The following SESN2 variants were observed in gnomAD, a reference collection of about 807,000 sequenced individuals.
SESN2 encodes sestrin-2.
A neutral mutation model predicts 56.0 loss-of-function variants in SESN2; 42 were observed. The observed-to-expected ratio is 0.75, with a 90% confidence interval of 0.59 to 0.97. The LOEUF (loss-of-function observed/expected upper bound fraction) is 0.97, where lower values mean the gene tolerates loss of function less well. Ranked by LOEUF, SESN2 falls within the 50% of genes least tolerant of loss-of-function variation. SESN2 has a pLI of 0.00. For synonymous variants in SESN2, 264 were observed against 267.1 expected, an observed-to-expected ratio of 0.99 and a Z score of 0.11; for missense variants, 507 against 649.4, an observed-to-expected ratio of 0.78 and a Z score of 2.38.
intron 1 of SESN2, among the ~76,000 whole-genome samples, chr1:28,267,152 T>C (rs1228060366): frequency 2.3e-4 from 35 of 152,268 alleles, no homozygotes. Flanking sequence ...ACAGAGCTGT[T>C]GGGCTTTTTC....
At chr1:28,265,456 C>T (rs1647523954) in intron 1 of SESN2, among the ~76,000 whole-genome samples, 1 of 152,042 alleles carries the variant, frequency 6.6e-6, no homozygotes, top group African/African-American at 2.4e-5. Context: ...TGCAATGGTG[C>T]GATCTCAGCT....
chr1:28,264,229 G>A (rs936680096), intron 1 of SESN2, among the ~76,000 whole-genome samples: 11 of 152,046 alleles, frequency 7.2e-5, no homozygotes, highest in African/African-American at 2.7e-4. Flanking sequence ...TGAGGCAGGA[G>A]AATTGCCTGA....
At chr1:28,268,088 G>T (rs1465624580) in intron 1 of SESN2, among the ~76,000 whole-genome samples, 1 of 152,168 alleles carries the variant, frequency 6.6e-6, no homozygotes, top group African/African-American at 2.4e-5. Flanking sequence ...GGGAGGTAGG[G>T]TTTTAAGCCA....
At chr1:28,269,875 A>G (rs1414527477) in intron 2 of SESN2, among the ~76,000 whole-genome samples, 2 of 152,240 alleles carry the variant, frequency 1.3e-5, no homozygotes, top group Non-Finnish European at 2.9e-5. Flanking sequence ...CTATTAAATG[A>G]TTAATCTATG....
Position 28,272,655 on chromosome 1 carries a change from C to T in SESN2, c.612C>T (p.Cys204=). 1.2e-6 allele frequency: 2 copies of T among 1,614,156 alleles called. No individual in the cohort carries two copies. Among genetic ancestry groups the T allele is most frequent in the Non-Finnish European group, 1.7e-6 (2 of 1,180,012 alleles). The change falls in exon 5 of 10, where the codon TGC becomes TGT. Residue 204 remains cysteine (C), a synonymous_variant. Coordinates refer to ENST00000253063, the MANE Select transcript of SESN2 (RefSeq NM_031459.5). ...LIQALVLLTH[C]HSLSSFVFGC... ...AGGCTCTGGTCCTGCTCACCCACTG[C>T]CACTCGCTCTCCTCCTTCGTGTTTG...
chr1:28,272,660 C>T lies in SESN2; in HGVS notation c.617C>T (p.Ser206Leu), dbSNP rs1240954051. Reference protein sequence around the residue: ...QALVLLTHCHSLSSFVFGCGI... With the variant: ...QALVLLTHCHLLSSFVFGCGI... ...CTGGTCCTGCTCACCCACTGCCACT[C>T]GCTCTCCTCCTTCGTGTTTGGCTGT... Residue 206 changes from serine to leucine, a missense_variant, in exon 5 of 10, where the codon TCG becomes TTG. Ser to Leu is a moderately radical substitution (Grantham distance 145). Coordinates refer to ENST00000253063, the MANE Select transcript of SESN2 (RefSeq NM_031459.5). 17 of 1,614,138 alleles carry T rather than the reference C, an allele frequency of 1.1e-5. No individual in the cohort carries two copies. Among genetic ancestry groups the T allele is most frequent in the East Asian group, 4.5e-5 (2 of 44,884 alleles).
chr1:28,265,036 A>G (rs1647508440), intron 1 of SESN2, among the ~76,000 whole-genome samples: 1 of 152,246 alleles, frequency 6.6e-6, no homozygotes, highest in African/African-American at 2.4e-5. Context: ...CTGAGTAGCC[A>G]GAAGTGAGTT....
intron 9 of SESN2, among the ~76,000 whole-genome samples, chr1:28,279,785 A>G (rs1288318115): frequency 6.6e-6 from 1 of 151,230 alleles, no homozygotes; most frequent in Non-Finnish European, 1.5e-5. Flanking sequence ...CTTGTGATCC[A>G]CCTGTCTCGG....
At position 28,271,742 on chromosome 1, in the gene SESN2, A is replaced by G; in HGVS notation, c.225A>G (p.Arg75=). Residue 75 remains arginine, a synonymous_variant, in exon 3 of 10, where the codon CGA becomes CGG. Transcript: ENST00000253063. ...LGLEALMSSG[R]VDNLAVVMGL... The stretch of plus-strand genomic sequence containing the variant: ...TGGAGGCACTGATGTCCTCTGGGCG[A>G]GTAGACAACCTGGCAGTGGTGATGG... 3 of 1,614,232 alleles carry G rather than the reference A, an allele frequency of 1.9e-6. No homozygotes were observed. The highest frequency in any genetic ancestry group is 2.5e-6 in the Non-Finnish European group (3 of 1,180,034).
intron 8 of SESN2, among the ~76,000 whole-genome samples, chr1:28,278,625 C>T (rs930460663): frequency 6.6e-6 from 1 of 152,160 alleles, no homozygotes; most frequent in Non-Finnish European, 1.5e-5. Context: ...AAGCTTTCTG[C>T]AACTCTGAAA....
rs771504819 is a variant in SESN2, at chr1:28,274,121, G to A, written c.983G>A (p.Arg328Gln). The A allele has an allele frequency of 2.4e-5, 38 of 1,613,906 alleles. No homozygotes were observed. In the South Asian group the frequency reaches 2.6e-4, roughly 11 times the overall value. ...ACTTTCGGATATGAGGACTTCACTC[G>A]GAGAGGGGCTCAGGCACCCCCTACC... is the stretch of plus-strand genomic sequence containing the variant. ...DPTFGYEDFT[R>Q]RGAQAPPTFR... The change falls in exon 7 of 10, where the codon CGG becomes CAG. Residue 328 changes from arginine (R) to glutamine (Q), a missense_variant. By Grantham distance (43) the Arg-to-Gln change is conservative. Transcript: ENST00000253063.
intron 1 of SESN2, among the ~76,000 whole-genome samples, chr1:28,260,567 G>A (rs1572089062): frequency 6.6e-6 from 1 of 152,204 alleles, no homozygotes; most frequent in East Asian, 1.9e-4. Flanking sequence ...CAAAGCTGGG[G>A]GGAGAGGGGA....
In SESN2 at chr1:28,275,448, T is replaced by C. The variant is rs1005233760; in HGVS notation, c.1211+433T>C. 4.7e-4 allele frequency among the ~76,000 whole-genome samples: 71 copies of C among 152,182 alleles called. 1 individual carries two copies. Among genetic ancestry groups the C allele is most frequent in the African/African-American group, 1.7e-3 (69 of 41,464 alleles). ...ATGATACGTCTATTCAGTGAAATAC[T>C]ATGCAGCTGTTAAAAATTACAATAG... On this transcript the variant is annotated intron_variant, in intron 8 of 9. Coordinates refer to ENST00000253063, the MANE Select transcript of SESN2 (RefSeq NM_031459.5).
Position 28,272,374 on chromosome 1 carries a change from C to T in SESN2, c.445C>T (p.Leu149Phe), listed in dbSNP as rs1169044865. The change falls in exon 4 of 10, where the codon CTC (leucine) becomes TTC (phenylalanine). Residue 149 changes from leucine (L) to phenylalanine (F), a missense_variant. Transcript: ENST00000253063. ...TGGTGACCCTGAGTGGCTGCTGGGC[C>T]TCCACCGGGCCCCCGAGAAGCTGCG... Reference protein sequence around the residue: ...TGGDPEWLLGLHRAPEKLRKL... With the variant: ...TGGDPEWLLGFHRAPEKLRKL... 11 of 1,613,878 alleles carry T rather than the reference C, an allele frequency of 6.8e-6. No homozygotes were observed. Among genetic ancestry groups the T allele is most frequent in the East Asian group, 2.2e-5 (1 of 44,882 alleles).
rs760136906 is a variant in SESN2, at chr1:28,273,492, G to T, written c.885G>T (p.Leu295=). Residue 295 remains leucine, a synonymous_variant, in exon 6 of 10, where the codon CTG becomes CTT. Transcript: ENST00000253063. ...SRFELEKSES[L]LVTPSADILE... is the part of the protein sequence containing the mutation. ...TTGAGCTGGAGAAGTCAGAGAGCCT[G>T]CTGGTGACCCCCTCAGGTACAGGGT... The T allele has an allele frequency of 3.7e-6, 6 of 1,607,772 alleles. No homozygotes were observed. In the African/African-American group the frequency reaches 8.0e-5, roughly 21 times the overall value.
Position 28,269,218 on chromosome 1 carries a change from A to C in SESN2, c.126A>C (p.Arg42=), listed in dbSNP as rs1284062761. Residue 42 remains arginine (R), a synonymous_variant, in exon 2 of 10, where the codon CGA becomes CGC. Coordinates refer to ENST00000253063, the MANE Select transcript of SESN2 (RefSeq NM_031459.5). ...AGAGCCGGGCTCGGCGAGGCCCTCG[A>C]GGGCCCAGCGCCTTCATCCCCGTGG... ...QRESRARRGP[R]GPSAFIPVEE... 1 of 1,612,994 alleles carries C rather than the reference A, an allele frequency of 6.2e-7. No homozygotes were observed. Among genetic ancestry groups the C allele is most frequent in the Non-Finnish European group, 8.5e-7 (1 of 1,179,602 alleles).
At position 28,280,824 on chromosome 1, in the gene SESN2, C is replaced by A. The variant is rs757483688; in HGVS notation, c.*22C>A. 2 of 1,582,134 alleles carry A rather than the reference C, an allele frequency of 1.3e-6. No individual in the cohort carries two copies. The highest frequency in any genetic ancestry group is 1.7e-6 in the Non-Finnish European group (2 of 1,152,406). On this transcript the variant is annotated 3_prime_UTR_variant, in exon 10 of 10. Transcript: ENST00000253063. Reference sequence around the variant, plus strand: ...CTGACTCCTGAGCAGGACCTGGGCCCGGTTCAGCTCCCCACAAGGACTTCT... The same window carrying A: ...CTGACTCCTGAGCAGGACCTGGGCCAGGTTCAGCTCCCCACAAGGACTTCT...
chr1:28,268,682 A>G (rs1382019802), intron 1 of SESN2, among the ~76,000 whole-genome samples: 1 of 151,670 alleles, frequency 6.6e-6, no homozygotes, highest in Non-Finnish European at 1.5e-5. Flanking sequence ...AAAAAGAAGC[A>G]AAAGAAGGAA....
chr1:28,274,743 A>G, intron 7 of SESN2, 82 bp from the exon 8 acceptor site: 2 of 1,083,530 alleles, frequency 1.8e-6, no homozygotes, highest in Non-Finnish European at 2.7e-6. Flanking sequence ...AGAATCATGG[A>G]GATCCCAGGT....
Sources: allele counts gnomAD v4.1 joint callset (sites outside exome capture counted in the v4.1 genomes callset), GRCh38; gene constraint gnomAD v4.1.1; transcripts MANE v1.5; gene names NCBI Gene and HGNC (gene_info 2026-07-23, HGNC 2026-07-21).